Variants in TBCCD1 observed in about 807,000 individuals in gnomAD.
TBCCD1 encodes the protein TBCC domain containing 1.
TBCCD1 carries 26 observed loss-of-function variants against 53.4 expected under a neutral mutation model. The observed-to-expected ratio is 0.49, with a 90% CI of 0.36 to 0.68. The LOEUF (loss-of-function observed/expected upper bound fraction) is 0.68. Among genes scored for constraint, TBCCD1 ranks in the 30% least tolerant of loss-of-function variants. The pLI is 0.00. For missense variants in TBCCD1, 558 were observed against 669.5 expected (o/e 0.83, Z 1.84); for synonymous variants, 245 against 241.7 (o/e 1.01, Z -0.13).
intron 1 of TBCCD1, among the ~76,000 whole-genome samples, chr3:186,565,029 T>C (rs1479861971): frequency 6.6e-6 from 1 of 151,570 alleles, no homozygotes; most frequent in Admixed American, 6.6e-5. Context: ...ATTTATAAAA[T>C]ACAAAAACAG....
chr3:186,569,794 T>C (rs1033794777), upstream of TBCCD1, among the ~76,000 whole-genome samples: 4 of 152,122 alleles, frequency 2.6e-5, no homozygotes, highest in African/African-American at 4.8e-5. Flanking sequence ...AGTGAACAGA[T>C]TGAAGTATAG....
intron 7 of TBCCD1, among the ~76,000 whole-genome samples, chr3:186,547,842 C>T (rs1267364506): frequency 6.6e-6 from 1 of 151,602 alleles, no homozygotes; most frequent in Non-Finnish European, 1.5e-5. Flanking sequence ...CTCCTGACCT[C>T]GTGATCCACC....
intron 6 of TBCCD1, among the ~76,000 whole-genome samples, chr3:186,552,185 T>C (rs1202928150): frequency 1.3e-5 from 2 of 151,988 alleles, no homozygotes. Flanking sequence ...AGAATGAGTA[T>C]TTGGAGAGGA....
chr3:186,550,854 G>A (rs768187432), intron 7 of TBCCD1, among the ~76,000 whole-genome samples: 20 of 152,134 alleles, frequency 1.3e-4, no homozygotes, highest in Non-Finnish European at 2.8e-4. Context: ...GGGGAATGTG[G>A]TATCTTTGGA....
chr3:186,548,167 C>T (rs990693522), intron 7 of TBCCD1, among the ~76,000 whole-genome samples: 5 of 152,108 alleles, frequency 3.3e-5, no homozygotes, highest in East Asian at 1.9e-4. Context: ...TAGATCCACA[C>T]GATGGAATAT....
chr3:186,559,396 T>G (rs1396550747), intron 2 of TBCCD1, among the ~76,000 whole-genome samples: 1 of 152,176 alleles, frequency 6.6e-6, no homozygotes, highest in Non-Finnish European at 1.5e-5. Context: ...TTCAGCAAAT[T>G]CTTAAAGGGG....
intron 2 of TBCCD1, among the ~76,000 whole-genome samples, chr3:186,563,256 A>G (rs1714735938): frequency 6.6e-6 from 1 of 152,268 alleles, no homozygotes; most frequent in Non-Finnish European, 1.5e-5. Flanking sequence ...GTCTATTACT[A>G]TAATCAGCCT....
Position 186,556,788 on chromosome 3 carries a change from TA to T in TBCCD1, c.493-14del, listed in dbSNP as rs1714557321. 1 of 1,602,552 alleles carries T rather than the reference TA, an allele frequency of 6.2e-7. No homozygotes were observed. The highest frequency in any genetic ancestry group is 8.5e-7 in the Non-Finnish European group (1 of 1,177,638). On this transcript the variant is annotated splice_polypyrimidine_tract_variant and intron_variant, in intron 3 of 7. Transcript: ENST00000338733. ...AATCATTCCAGTTCTAAAAAAAAGTTAAAAGAAAGCACTCTTAATAAAGAGA... is the reference window on the plus strand; with the variant it reads ...AATCATTCCAGTTCTAAAAAAAAGTTAAAGAAAGCACTCTTAATAAAGAGA...
chr3:186,559,474 G>T (rs967661047), intron 2 of TBCCD1, among the ~76,000 whole-genome samples: 1 of 152,186 alleles, frequency 6.6e-6, no homozygotes, highest in Non-Finnish European at 1.5e-5. Flanking sequence ...TCAAGGAAGG[G>T]TGTGGTTGAA....
At chr3:186,548,982 T>G (rs1424288113) in intron 7 of TBCCD1, among the ~76,000 whole-genome samples, 6 of 152,336 alleles carry the variant, frequency 3.9e-5, no homozygotes, top group African/African-American at 1.4e-4. Context: ...AATTCATCTG[T>G]CAATTTAAAA....
intron 1 of TBCCD1, 82 bp downstream of exon 1, chr3:186,567,185 G>A (rs1714857923): frequency 6.6e-6 from 1 of 152,306 alleles, no homozygotes; most frequent in African/African-American, 2.4e-5. Context: ...GACGCGGTAA[G>A]CGCGAAGGCA....
intron 1 of TBCCD1, among the ~76,000 whole-genome samples, chr3:186,566,939 G>A (rs1311541008): frequency 2.6e-5 from 4 of 152,252 alleles, no homozygotes; most frequent in Non-Finnish European, 4.4e-5. Flanking sequence ...CTAACTCCGA[G>A]AATCGAGAGG....
chr3:186,551,414 G>T lies in TBCCD1; in HGVS notation c.1545-135C>A, dbSNP rs1578964716. ...TTCTTGTTATCCTTTTGTTCTCACT[G>T]TTCAGAGTACACTGGACACCCCCAC... On this transcript the variant is annotated intron_variant, in intron 6 of 7. Coordinates refer to ENST00000338733, the MANE Select transcript of TBCCD1 (RefSeq NM_018138.5). The T allele has an allele frequency of 8.6e-6, 8 of 928,044 alleles. No individual in the cohort carries two copies. The East Asian group carries it at 1.9e-4, about 22-fold the overall frequency. The allele number at this position is 928,044 out of a possible 1,614,324, so 57.5% of individuals were successfully genotyped here.
chr3:186,567,710 A>G (rs1714881735), upstream of TBCCD1: 1 of 152,276 alleles, frequency 6.6e-6, no homozygotes, highest in African/African-American at 2.4e-5. Flanking sequence ...TGTATTTCCT[A>G]AGTCTTGTCA....
At chr3:186,570,021 C>T, upstream of TBCCD1, 1 of 594,718 alleles carries the variant, frequency 1.7e-6, no homozygotes, top group Non-Finnish European at 3.1e-6. Context: ...TTAAAATTCA[C>T]AGAACTGCCA....
At chr3:186,558,194 C>G (rs1358414258) in intron 3 of TBCCD1, among the ~76,000 whole-genome samples, 1 of 152,128 alleles carries the variant, frequency 6.6e-6, no homozygotes, top group Non-Finnish European at 1.5e-5. Context: ...CACAAATCAG[C>G]AAGTGGTTTT....
At chr3:186,567,359 G>T (rs141960256), upstream of TBCCD1, 86 of 152,460 alleles carry the variant, frequency 5.6e-4, no homozygotes, top group African/African-American at 1.9e-3. Context: ...TCCTCCGCGC[G>T]CCGCTGCCGT....
At chr3:186,566,157 C>T (rs1487235582) in intron 1 of TBCCD1, among the ~76,000 whole-genome samples, 1 of 152,028 alleles carries the variant, frequency 6.6e-6, no homozygotes, top group Non-Finnish European at 1.5e-5. Flanking sequence ...CCTGCCTCAG[C>T]CTCTCAAGTA....
chr3:186,558,123 G>A (rs973677224), intron 3 of TBCCD1, among the ~76,000 whole-genome samples: 2 of 152,152 alleles, frequency 1.3e-5, no homozygotes, highest in African/African-American at 4.8e-5. Flanking sequence ...CACATAAGTT[G>A]ATTCGCATTG....
Sources: gnomAD v4.1 joint callset for allele counts (sites outside exome capture counted in the v4.1 genomes callset) on GRCh38, gnomAD v4.1.1 for gene constraint, MANE v1.5 for transcripts, NCBI Gene and HGNC (gene_info 2026-07-23, HGNC 2026-07-21) for gene names.